SFXN5: variants seen among roughly 807,000 people sequenced by gnomAD.
SFXN5 encodes the protein sideroflexin-5.
Under a neutral mutation model 50.2 loss-of-function variants are expected in SFXN5, and 43 were observed. The ratio of observed to expected loss-of-function variants is 0.86; its 90% confidence interval spans 0.67 to 1.11. The LOEUF (loss-of-function observed/expected upper bound fraction) is 1.11. Ranked by LOEUF, SFXN5 falls within the 50% of genes least tolerant of loss-of-function variation. SFXN5 has a pLI of 0.00. For missense variants in SFXN5, 463 were observed against 454.1 expected, an observed-to-expected ratio of 1.02 and a Z score of -0.18; for synonymous variants, 203 against 185.8, an observed-to-expected ratio of 1.09 and a Z score of -0.75.
chr2:73,002,271 T>C (rs7597032), intron 6 of SFXN5, among the ~76,000 whole-genome samples: 45,260 of 152,156 alleles, frequency 0.3, 7,604 homozygotes, highest in East Asian at 0.5. Flanking sequence ...CATATACACA[T>C]ATGGCTAGGT....
chr2:73,041,626 G>A (rs985353964), intron 2 of SFXN5: 13 of 434,002 alleles, frequency 3.0e-5, no homozygotes, highest in Admixed American at 1.2e-4. Flanking sequence ...GGAGGCAGGG[G>A]TTGCAGTGAG....
At chr2:72,949,502 G>C (rs1277433453) in intron 13 of SFXN5, among the ~76,000 whole-genome samples, 1 of 152,162 alleles carries the variant, frequency 6.6e-6, no homozygotes, top group East Asian at 1.9e-4. Context: ...TTTTTACAGA[G>C]ACAGGGTCTC....
Position 72,961,623 on chromosome 2 carries a change from G to A in SFXN5, c.828-375C>T, listed in dbSNP as rs1292446402. ...GCCCCTGTTCCTGGGGAGACACATA[G>A]GGACGTAAGATCGCTCTCGAGGGCA... is the stretch of plus-strand genomic sequence containing the variant. On this transcript the variant is annotated intron_variant, in intron 12 of 13. Coordinates refer to ENST00000272433, the MANE Select transcript of SFXN5 (RefSeq NM_144579.3). This position sits in a 1 kb window ranked among gnomAD's most constrained non-coding sequence, Gnocchi z 4.4. Among the ~76,000 whole-genome samples the A allele has an allele frequency of 1.3e-5, 2 of 152,200 alleles. No individual in the cohort carries two copies. The highest frequency in any genetic ancestry group is 2.9e-5 in the Non-Finnish European group (2 of 68,038).
intron 5 of SFXN5, among the ~76,000 whole-genome samples, chr2:73,022,297 A>G (rs545263232): frequency 2.8e-4 from 42 of 152,214 alleles, no homozygotes; most frequent in African/African-American, 9.9e-4. Context: ...CCCTGGTTCC[A>G]CCCCAACTGC....
Position 72,961,034 on chromosome 2 carries a change from C to T in SFXN5, c.945+97G>A. On this transcript the variant is annotated intron_variant, in intron 13 of 13. Coordinates refer to ENST00000272433, the MANE Select transcript of SFXN5 (RefSeq NM_144579.3). The surrounding 1 kb of genome is among the most constrained non-coding windows in gnomAD (Gnocchi z 4.4). The stretch of plus-strand genomic sequence containing the variant: ...TCACGGTTCCAGCCCCAGCGCCTAG[C>T]ATGGCGCTAAGGAGTCGGCACGGTA... 1.1e-6 allele frequency: 1 copy of T among 871,166 alleles called. No homozygotes were observed. Among genetic ancestry groups the T allele is most frequent in the South Asian group, 2.2e-5 (1 of 44,954 alleles). 54.0% of individuals were successfully genotyped at this position (871,166 alleles called of 1,614,324 possible). A position where few individuals can be genotyped will look rare whatever the true frequency, so the allele number is the denominator to read the frequency against.
intron 1 of SFXN5, among the ~76,000 whole-genome samples, chr2:73,068,154 C>T (rs1473405940): frequency 6.6e-6 from 1 of 152,096 alleles, no homozygotes; most frequent in Non-Finnish European, 1.5e-5. Context: ...TAGAGCGACT[C>T]CAGGGAATAA....
At chr2:73,020,314 C>T in intron 5 of SFXN5, 50 bp from the exon 6 acceptor site, 1 of 1,599,114 alleles carries the variant, frequency 6.3e-7, no homozygotes, top group African/African-American at 1.3e-5. Context: ...TCACATCTCA[C>T]CTGAGATACC....
chr2:73,022,600 TGGGGTGGGGACGGG>T, intron 4 of SFXN5, 24 bp from the exon 5 acceptor site: 2 of 522,074 alleles, frequency 3.8e-6, no homozygotes, highest in Non-Finnish European at 5.1e-6. Context: ...GAACAGAGAA[TGGGGTGGGGACGGG>T]GGTGTAGGGA....
chr2:72,968,219 G>A (rs775871350), intron 12 of SFXN5, among the ~76,000 whole-genome samples: 49 of 151,480 alleles, frequency 3.2e-4, no homozygotes, highest in Non-Finnish European at 4.6e-4. Flanking sequence ...GGTATCCCTC[G>A]TGGCACCTAG....
At position 72,992,995 on chromosome 2, in the gene SFXN5, AG is replaced by A. The variant is rs956031526; in HGVS notation, c.535-4648del. On this transcript the variant is annotated intron_variant, in intron 9 of 13. Transcript: ENST00000272433. The surrounding 1 kb of genome is among the most constrained non-coding windows in gnomAD (Gnocchi z 4.5). ...CTGAGCCCTGAATAGGAGGCTAGGA[AG>A]GGAGCAGGGCTCAGCCAAGGATCAG... Among the ~76,000 whole-genome samples the A allele has an allele frequency of 1.3e-5, 2 of 152,180 alleles. No homozygotes were observed. The highest frequency in any genetic ancestry group is 2.9e-5 in the Non-Finnish European group (2 of 68,038).
At chr2:72,989,145 C>A (rs964075772) in intron 9 of SFXN5, among the ~76,000 whole-genome samples, 2 of 152,190 alleles carry the variant, frequency 1.3e-5, no homozygotes, top group African/African-American at 2.4e-5. Flanking sequence ...TTCCCCTCTC[C>A]CCCAAAAACC....
intron 6 of SFXN5, 87 bp from the exon 7 acceptor site, chr2:73,001,665 T>C (rs1673933915): frequency 1.6e-6 from 2 of 1,286,740 alleles, no homozygotes; most frequent in Non-Finnish European, 2.2e-6. Flanking sequence ...CACAAATGAG[T>C]GAGCTGGATC....
At chr2:73,067,208 G>C (rs577200463) in intron 1 of SFXN5, among the ~76,000 whole-genome samples, 1 of 152,340 alleles carries the variant, frequency 6.6e-6, no homozygotes, top group Admixed American at 6.5e-5. Context: ...GGCAACCCAA[G>C]TTGAGGGACA....
chr2:72,987,092 T>C lies in SFXN5; in HGVS notation c.625+1166A>G, dbSNP rs148712730. On this transcript the variant is annotated intron_variant, in intron 10 of 13. Coordinates refer to ENST00000272433, the MANE Select transcript of SFXN5 (RefSeq NM_144579.3). ...CTGAAATTACCAAAATATTGTGATA[T>C]AGTAATAGATGTTTTTTGGGGTTTT... Among the ~76,000 whole-genome samples, 536 of 152,278 alleles carry C rather than the reference T, an allele frequency of 3.5e-3. 3 individuals carry two copies. Among genetic ancestry groups the C allele is most frequent in the African/African-American group, 0.013 (520 of 41,562 alleles).
At chr2:73,022,690 G>T in intron 4 of SFXN5, 114 bp from the exon 5 acceptor site, 1 of 704,410 alleles carries the variant, frequency 1.4e-6, no homozygotes, top group Non-Finnish European at 2.5e-6. Flanking sequence ...AAGAAGGGAA[G>T]AAGACAACTT....
chr2:72,958,163 C>T (rs1386253027), intron 13 of SFXN5, among the ~76,000 whole-genome samples: 2 of 152,112 alleles, frequency 1.3e-5, no homozygotes, highest in Admixed American at 6.5e-5. Flanking sequence ...CAGAGGAACA[C>T]CTGCCAAAGA....
intron 3 of SFXN5, 99 bp from the exon 4 acceptor site, chr2:73,023,313 C>T: frequency 1.6e-6 from 2 of 1,265,426 alleles, no homozygotes; most frequent in Admixed American, 2.2e-5. Context: ...AGGGATCCAG[C>T]TCCGAAAGCC....
chr2:73,047,253 T>TACACAC (rs1680533481), intron 2 of SFXN5, among the ~76,000 whole-genome samples: 1 of 45,144 alleles, frequency 2.2e-5, no homozygotes, highest in Non-Finnish European at 4.2e-5. Context: ...AAAATATATA[T>TACACAC]ATATATATAT....
rs1671883117 is a variant in SFXN5, at chr2:72,945,945, G to A, written c.946-846C>T. 6.6e-6 allele frequency among the ~76,000 whole-genome samples: 1 copy of A among 151,658 alleles called. No homozygotes were observed. The highest frequency in any genetic ancestry group is 2.4e-5 in the African/African-American group (1 of 41,248). On this transcript the variant is annotated intron_variant, in intron 13 of 13. Transcript: ENST00000272433. This position sits in a 1 kb window ranked among gnomAD's most constrained non-coding sequence, Gnocchi z 5.8. ...CCCACCCCCTGCTCCCACGCATCCTGGGCAGGTGACACTTCCTCTTATTTA... is the reference window on the plus strand; with the variant it reads ...CCCACCCCCTGCTCCCACGCATCCTAGGCAGGTGACACTTCCTCTTATTTA...
Sources: gnomAD v4.1 joint callset for allele counts (sites outside exome capture counted in the v4.1 genomes callset) on GRCh38, gnomAD v4.1.1 for gene constraint, Gnocchi (gnomAD v3.1) non-coding constraint, MANE v1.5 for transcripts, NCBI Gene and HGNC (gene_info 2026-07-23, HGNC 2026-07-21) for gene names.